The following KDM4C variants were observed in gnomAD, a reference collection of about 807,000 sequenced individuals.
KDM4C encodes lysine demethylase 4C, also known as lysine-specific demethylase 4C.
KDM4C carries 81 observed loss-of-function variants against 129.3 expected under a neutral mutation model. That is an observed-to-expected ratio of 0.63 (90% CI 0.52 to 0.75). The LOEUF (loss-of-function observed/expected upper bound fraction) is 0.75. Ranked by LOEUF, KDM4C falls within the 30% of genes least tolerant of loss-of-function variation. The pLI, the probability that KDM4C is intolerant of heterozygous loss-of-function variation, is 0.00. For missense variants in KDM4C, 1,457 were observed against 1,304.0 expected (o/e 1.12, Z -1.81); for synonymous variants, 573 against 456.1 (o/e 1.26, Z -3.26).
intron 1 of KDM4C, among the ~76,000 whole-genome samples, chr9:6,771,080 C>CTTTTTTTTTT (rs35945405): frequency 2.3e-4 from 13 of 56,970 alleles, no homozygotes; most frequent in South Asian, 6.8e-4. Flanking sequence ...GACTGTGAAT[C>CTTTTTTTTTT]TTTTTTTTTT....
intron 8 of KDM4C, among the ~76,000 whole-genome samples, chr9:6,908,303 T>C (rs990807387): frequency 5.9e-5 from 9 of 152,200 alleles, no homozygotes; most frequent in Non-Finnish European, 8.8e-5. Context: ...CCAAATCTAT[T>C]GCAAACTGTT....
chr9:6,820,282 G>C (rs1832796722), intron 4 of KDM4C, among the ~76,000 whole-genome samples: 1 of 152,196 alleles, frequency 6.6e-6, no homozygotes, highest in Non-Finnish European at 1.5e-5. Context: ...AAAGGAGAGA[G>C]AGTGAAAGGT....
At chr9:6,757,692 C>T (rs959961518), upstream of KDM4C, 66 of 985,374 alleles carry the variant, frequency 6.7e-5, no homozygotes, top group Non-Finnish European at 8.0e-5. Flanking sequence ...TGGACTACAT[C>T]AGGTCCAGCC....
intron 1 of KDM4C, among the ~76,000 whole-genome samples, chr9:6,789,762 G>A (rs918252007): frequency 6.6e-6 from 1 of 152,078 alleles, no homozygotes; most frequent in African/African-American, 2.4e-5. Context: ...CTGTCTACAC[G>A]TGAACAGAGG....
chr9:6,941,530 C>T (rs748303639), intron 8 of KDM4C: 1 of 151,934 alleles, frequency 6.6e-6, no homozygotes, highest in Non-Finnish European at 1.5e-5. Flanking sequence ...TAAAAAAAAC[C>T]ATATTACATT....
chr9:7,050,796 C>T (rs939949610), intron 17 of KDM4C, among the ~76,000 whole-genome samples: 1 of 152,116 alleles, frequency 6.6e-6, no homozygotes, highest in East Asian at 1.9e-4. Flanking sequence ...ACATCAGTCC[C>T]AAAGGGTTTT....
At chr9:6,779,152 C>A (rs1331270975) in intron 1 of KDM4C, among the ~76,000 whole-genome samples, 3 of 151,516 alleles carry the variant, frequency 2.0e-5, no homozygotes, top group African/African-American at 7.3e-5. Flanking sequence ...CCTCAGCCTC[C>A]CGAGTAGCTG....
At chr9:6,884,780 ATT>A (rs1563757039) in intron 6 of KDM4C, among the ~76,000 whole-genome samples, 1 of 152,202 alleles carries the variant, frequency 6.6e-6, no homozygotes, top group Admixed American at 6.5e-5. Context: ...CAAGGCTGAA[ATT>A]TTTGGTGATT....
chr9:7,006,375 G>T (rs773437509), intron 12 of KDM4C, among the ~76,000 whole-genome samples: 5 of 152,154 alleles, frequency 3.3e-5, no homozygotes, highest in Non-Finnish European at 5.9e-5. Context: ...GGGAATCATT[G>T]CTTGAGCATC....
At chr9:7,009,110 G>C (rs1416229358) in intron 12 of KDM4C, among the ~76,000 whole-genome samples, 2 of 152,216 alleles carry the variant, frequency 1.3e-5, no homozygotes, top group Non-Finnish European at 2.9e-5. Context: ...AGCTCAATGA[G>C]CTGCAAGTGA....
At position 7,168,609 on chromosome 9, in the gene KDM4C, A is replaced by G. The variant is rs193096183; in HGVS notation, c.2902-1189A>G. ...AGTTTTAAACATTTTGTTTTAGATG[A>G]TGATGTATTTTCACACATTGATGAG... On this transcript the variant is annotated intron_variant, in intron 20 of 21. Transcript: ENST00000381309. Among the ~76,000 whole-genome samples the G allele has an allele frequency of 1.9e-3, 290 of 151,602 alleles. 3 individuals carry two copies. Among genetic ancestry groups the G allele is most frequent in the African/African-American group, 6.8e-3 (279 of 41,244 alleles).
Position 6,814,969 on chromosome 9 carries a change from A to G in KDM4C, c.435+224A>G, listed in dbSNP as rs976352440. On this transcript the variant is annotated intron_variant, in intron 4 of 21. Coordinates refer to ENST00000381309, the MANE Select transcript of KDM4C (RefSeq NM_015061.6). ...TGAAATTGTTCAGTAGTAACATGGT[A>G]TGTGGTTATCTGGCTGATCTTTTCA... The G allele has an allele frequency of 1.9e-5, 7 of 365,540 alleles. No homozygotes were observed. In the East Asian group the frequency reaches 2.5e-4, roughly 13 times the overall value. The allele number at this position is 365,540 out of a possible 1,614,324, so 22.6% of individuals were successfully genotyped here. A position where few individuals can be genotyped will look rare whatever the true frequency, so the allele number is the denominator to read the frequency against.
intron 12 of KDM4C, among the ~76,000 whole-genome samples, chr9:7,004,013 T>G (rs1239184598): frequency 6.6e-6 from 1 of 152,136 alleles, no homozygotes; most frequent in Non-Finnish European, 1.5e-5. Context: ...GCTGCTGTGC[T>G]TTTCATAGTA....
intron 18 of KDM4C, among the ~76,000 whole-genome samples, chr9:7,116,430 T>A (rs1290798116): frequency 1.4e-5 from 1 of 71,684 alleles, no homozygotes; most frequent in Admixed American, 1.3e-4. Flanking sequence ...ATATGGACCT[T>A]AGGTGATCAA....
intron 17 of KDM4C, among the ~76,000 whole-genome samples, chr9:7,097,203 C>T (rs1011963857): frequency 2.6e-5 from 4 of 152,230 alleles, no homozygotes; most frequent in Non-Finnish European, 4.4e-5. Flanking sequence ...AGCCATGAGG[C>T]AGGCCCTGGG....
intron 1 of KDM4C, among the ~76,000 whole-genome samples, chr9:6,727,900 C>T (rs1285753932): frequency 2.7e-5 from 4 of 150,936 alleles, no homozygotes; most frequent in Non-Finnish European, 2.9e-5. Context: ...ACCCAGTAAA[C>T]CCCAAAAAGC....
intron 16 of KDM4C, among the ~76,000 whole-genome samples, chr9:7,047,949 G>A (rs1343831495): frequency 1.3e-5 from 2 of 152,014 alleles, no homozygotes. Context: ...TTCTTTACAT[G>A]TGCACATGTT....
intron 17 of KDM4C, among the ~76,000 whole-genome samples, chr9:7,095,552 G>C (rs1178040357): frequency 6.6e-6 from 1 of 151,230 alleles, no homozygotes; most frequent in Non-Finnish European, 1.5e-5. Context: ...GAGCAATAGA[G>C]AGCTTGTAAG....
intron 17 of KDM4C, among the ~76,000 whole-genome samples, chr9:7,066,006 A>T (rs543079037): frequency 6.6e-6 from 1 of 152,110 alleles, no homozygotes; most frequent in South Asian, 2.1e-4. Flanking sequence ...AAAAAAAAAA[A>T]AAAACTGTAA....
Sources: gnomAD v4.1 joint callset for allele counts (sites outside exome capture counted in the v4.1 genomes callset) on GRCh38, gnomAD v4.1.1 for gene constraint, MANE v1.5 for transcripts, NCBI Gene and HGNC (gene_info 2026-07-23, HGNC 2026-07-21) for gene names.